Variants in CDC42BPA observed in about 807,000 individuals in gnomAD.
CDC42BPA encodes CDC42 binding protein kinase alpha, also known as serine/threonine-protein kinase MRCK alpha.
Under a neutral mutation model 223.5 loss-of-function variants are expected in CDC42BPA, and 80 were observed. The ratio of observed to expected loss-of-function variants is 0.36; its 90% CI spans 0.30 to 0.43. The LOEUF is 0.43. Among genes scored for constraint, CDC42BPA ranks in the 20% least tolerant of loss-of-function variants. The pLI, the probability that CDC42BPA is intolerant of heterozygous loss-of-function variation, is 1.00. For missense variants in CDC42BPA, 1,743 were observed against 2,099.9 expected (o/e 0.83, Z 3.32); for synonymous variants, 694 against 718.6 (o/e 0.97, Z 0.55).
intron 12 of CDC42BPA, among the ~76,000 whole-genome samples, chr1:227,114,793 T>C (rs145923775): frequency 1.8e-3 from 273 of 152,274 alleles, no homozygotes; most frequent in African/African-American, 6.3e-3. Flanking sequence ...ATTGGTATAA[T>C]GCAAATATTC....
intron 2 of CDC42BPA, among the ~76,000 whole-genome samples, chr1:227,217,298 T>C (rs1378192017): frequency 6.6e-6 from 1 of 151,662 alleles, no homozygotes; most frequent in Non-Finnish European, 1.5e-5. Flanking sequence ...AATACAAAAA[T>C]TGGCTGGGTG....
chr1:227,115,970 T>A (rs1687721438), intron 12 of CDC42BPA, among the ~76,000 whole-genome samples: 1 of 152,098 alleles, frequency 6.6e-6, no homozygotes. Context: ...TAGATATGCA[T>A]GAAGTCTGGA....
intron 2 of CDC42BPA, among the ~76,000 whole-genome samples, chr1:227,253,316 T>G (rs1013975065): frequency 6.6e-6 from 1 of 152,034 alleles, no homozygotes; most frequent in Admixed American, 6.5e-5. Flanking sequence ...GAGTCGAAAT[T>G]GAAAAACTGA....
chr1:227,144,492 G>A (rs923410057), intron 8 of CDC42BPA, among the ~76,000 whole-genome samples: 6 of 141,958 alleles, frequency 4.2e-5, no homozygotes, highest in East Asian at 2.2e-4. Context: ...GGAGAACGGC[G>A]TGAACCCGGA....
intron 5 of CDC42BPA, among the ~76,000 whole-genome samples, chr1:227,179,243 T>C (rs1667483063): frequency 6.6e-6 from 1 of 152,144 alleles, no homozygotes; most frequent in Non-Finnish European, 1.5e-5. Context: ...GAAAATATTC[T>C]AAAATAGATC....
At chr1:227,092,145 C>T (rs1384078504) in intron 15 of CDC42BPA, among the ~76,000 whole-genome samples, 154 bp from the exon 16 acceptor site, 3 of 152,138 alleles carry the variant, frequency 2.0e-5, no homozygotes, top group African/African-American at 7.2e-5. Flanking sequence ...TATATAATGA[C>T]AGGCCTGGTG....
At chr1:227,137,633 G>A (rs1658847428) in intron 10 of CDC42BPA, among the ~76,000 whole-genome samples, 1 of 150,312 alleles carries the variant, frequency 6.7e-6, no homozygotes, top group African/African-American at 2.5e-5. Flanking sequence ...AACAGACTGG[G>A]TAATTTTTTA....
chr1:227,030,349 A>G lies in CDC42BPA; in HGVS notation c.3838+59T>C, dbSNP rs1669038510. 6.3e-6 allele frequency: 6 copies of G among 948,576 alleles called. 1 individual carries two copies. Among genetic ancestry groups the G allele is most frequent in the South Asian group, 4.4e-5 (3 of 68,486 alleles). The allele number at this position is 948,576 out of a possible 1,614,324, so 58.8% of individuals were successfully genotyped here. ...GCTCTTTGTAGAATTTAGAATCTAC[A>G]GTTTAAATTTTTTTAACACGATTTA... On this transcript the variant is annotated intron_variant, in intron 29 of 36. Coordinates refer to ENST00000366766, the MANE Select transcript of CDC42BPA (RefSeq NM_001394014.1).
In CDC42BPA at chr1:227,295,035, T is replaced by A. The variant is rs1216617535; in HGVS notation, c.178+21970A>T. On this transcript the variant is annotated intron_variant, in intron 1 of 36. Coordinates refer to ENST00000366766, the MANE Select transcript of CDC42BPA (RefSeq NM_001394014.1). Reference sequence around the variant, plus strand: ...GTTAGCACAAAAATGACAAATCTGCTATGTTACAGCAGTGAAAATTTTTTT... The same window carrying A: ...GTTAGCACAAAAATGACAAATCTGCAATGTTACAGCAGTGAAAATTTTTTT... 4.6e-5 allele frequency among the ~76,000 whole-genome samples: 7 copies of A among 152,006 alleles called. No homozygotes were observed. The East Asian group carries it at 1.3e-3, about 29-fold the overall frequency.
At chr1:227,184,205 C>A (rs12742066) in intron 5 of CDC42BPA, among the ~76,000 whole-genome samples, 30,891 of 151,884 alleles carry the variant, frequency 0.2, 3,247 homozygotes, top group Middle Eastern at 0.26. Flanking sequence ...TTAATGAAGT[C>A]CCATTTATTC....
At chr1:227,205,280 AAAAATATAT>A (rs1259845100) in intron 3 of CDC42BPA, among the ~76,000 whole-genome samples, 14 of 75,504 alleles carry the variant, frequency 1.9e-4, no homozygotes, top group African/African-American at 3.8e-4. Context: ...AAAAAAAAAA[AAAAATATAT>A]ATATATATAT....
At chr1:227,172,085 ACTG>A (rs1269330619) in intron 5 of CDC42BPA, among the ~76,000 whole-genome samples, 2 of 152,206 alleles carry the variant, frequency 1.3e-5, no homozygotes, top group African/African-American at 4.8e-5. Context: ...TTAAAATGAA[ACTG>A]CTTTTTGAAA....
intron 5 of CDC42BPA, among the ~76,000 whole-genome samples, chr1:227,168,600 A>C (rs1266825028): frequency 6.9e-6 from 1 of 144,942 alleles, no homozygotes; most frequent in African/African-American, 2.6e-5. Context: ...GGTTCACGCC[A>C]TTCTCCTGCC....
At chr1:227,273,021 G>A (rs1686218842) in intron 1 of CDC42BPA, among the ~76,000 whole-genome samples, 1 of 152,174 alleles carries the variant, frequency 6.6e-6, no homozygotes, top group African/African-American at 2.4e-5. Flanking sequence ...GGTTGGGCAC[G>A]GTGGCTCACG....
At chr1:227,222,611 C>G (rs914252206) in intron 2 of CDC42BPA, among the ~76,000 whole-genome samples, 1 of 152,218 alleles carries the variant, frequency 6.6e-6, no homozygotes, top group East Asian at 1.9e-4. Flanking sequence ...GGAAGGAATG[C>G]TGCACAGAGA....
chr1:227,077,489 C>T (rs1679738168), intron 17 of CDC42BPA, among the ~76,000 whole-genome samples: 1 of 152,122 alleles, frequency 6.6e-6, no homozygotes, highest in African/African-American at 2.4e-5. Flanking sequence ...AAACCCTTCT[C>T]CTGGTTCTCC....
At chr1:227,193,574 A>G (rs1345308545) in intron 5 of CDC42BPA, 6 of 509,576 alleles carry the variant, frequency 1.2e-5, no homozygotes, top group African/African-American at 7.7e-5. Flanking sequence ...CTATACATGT[A>G]CATGTATGTA....
chr1:227,079,591 G>T (rs191717901), intron 17 of CDC42BPA, among the ~76,000 whole-genome samples: 1 of 152,240 alleles, frequency 6.6e-6, no homozygotes, highest in African/African-American at 2.4e-5. Flanking sequence ...CAGAAATGCA[G>T]ACTTGATGAT....
intron 5 of CDC42BPA, among the ~76,000 whole-genome samples, chr1:227,185,506 T>G (rs1668622980): frequency 6.6e-6 from 1 of 152,172 alleles, no homozygotes. Context: ...GGCCAGTTTT[T>G]TCGCCGGCTA....
Sources: allele counts gnomAD v4.1 joint callset (sites outside exome capture counted in the v4.1 genomes callset), GRCh38; gene constraint gnomAD v4.1.1; transcripts MANE v1.5; gene names NCBI Gene and HGNC (gene_info 2026-07-23, HGNC 2026-07-21).